PLXDC2: variants seen among roughly 807,000 people sequenced by gnomAD.
PLXDC2 encodes plexin domain containing 2, also known as plexin domain-containing protein 2.
Under a neutral mutation model 68.9 loss-of-function variants are expected in PLXDC2, and 40 were observed. The ratio of observed to expected loss-of-function variants is 0.58; its 90% CI spans 0.45 to 0.76. PLXDC2 has a LOEUF of 0.76. Ranked by LOEUF, PLXDC2 falls within the 30% of genes least tolerant of loss-of-function variation. PLXDC2 has a pLI of 0.00. For missense variants in PLXDC2, 644 were observed against 661.9 expected, an observed-to-expected ratio of 0.97 and a Z score of 0.30; for synonymous variants, 243 against 234.2, an observed-to-expected ratio of 1.04 and a Z score of -0.34.
At chr10:20,104,648 G>A (rs533845579) in intron 4 of PLXDC2, among the ~76,000 whole-genome samples, 2 of 152,172 alleles carry the variant, frequency 1.3e-5, no homozygotes, top group South Asian at 2.1e-4. Context: ...TTGTTGGCAC[G>A]TGGGTTTTCT....
intron 7 of PLXDC2, among the ~76,000 whole-genome samples, chr10:20,169,559 C>T (rs1834419050): frequency 6.6e-6 from 1 of 152,144 alleles, no homozygotes; most frequent in Non-Finnish European, 1.5e-5. Context: ...GCCATTTGCA[C>T]TAATTTGTTT....
chr10:20,203,139 A>T (rs1834942985), intron 9 of PLXDC2, among the ~76,000 whole-genome samples: 1 of 152,210 alleles, frequency 6.6e-6, no homozygotes, highest in African/African-American at 2.4e-5. Flanking sequence ...TAAAGAGGTG[A>T]CATTCACAGG....
intron 2 of PLXDC2, among the ~76,000 whole-genome samples, chr10:20,017,668 C>A (rs1400050651): frequency 6.6e-6 from 1 of 152,128 alleles, no homozygotes; most frequent in African/African-American, 2.4e-5. Context: ...TAGCACATAC[C>A]AAATTTGTTT....
intron 3 of PLXDC2, among the ~76,000 whole-genome samples, chr10:20,062,813 A>G (rs1267253233): frequency 6.6e-6 from 1 of 152,148 alleles, no homozygotes; most frequent in Admixed American, 6.6e-5. Context: ...GTGTTTATTG[A>G]ATCATTTTTA....
intron 1 of PLXDC2, among the ~76,000 whole-genome samples, chr10:19,972,716 G>A (rs922312598): frequency 2.0e-5 from 3 of 152,180 alleles, no homozygotes; most frequent in African/African-American, 7.2e-5. Context: ...GGATACAGGG[G>A]CACAGTTGAG....
intron 7 of PLXDC2, among the ~76,000 whole-genome samples, chr10:20,170,119 A>G: frequency 1.3e-5 from 2 of 152,316 alleles, no homozygotes; most frequent in East Asian, 3.9e-4. Context: ...AGGGTCTTTG[A>G]ACTCTTTGAG....
intron 3 of PLXDC2, among the ~76,000 whole-genome samples, chr10:20,058,688 A>G (rs1473702142): frequency 6.6e-6 from 1 of 152,200 alleles, no homozygotes; most frequent in Non-Finnish European, 1.5e-5. Flanking sequence ...CATTATCTGA[A>G]CGATAAACAC....
intron 4 of PLXDC2, among the ~76,000 whole-genome samples, chr10:20,087,091 G>T (rs995078534): frequency 3.9e-5 from 6 of 152,164 alleles, no homozygotes; most frequent in African/African-American, 4.8e-5. Flanking sequence ...ATTTCAAAGG[G>T]TTTGAATTTT....
intron 1 of PLXDC2, among the ~76,000 whole-genome samples, chr10:19,956,274 A>C (rs11011700): frequency 6.6e-6 from 1 of 151,954 alleles, no homozygotes. Flanking sequence ...TCTCAGGTGC[A>C]GGGGGGTGTC....
chr10:19,981,072 TTTTG>T (rs1230253116), intron 1 of PLXDC2, among the ~76,000 whole-genome samples: 1 of 152,224 alleles, frequency 6.6e-6, no homozygotes, highest in East Asian at 1.9e-4. Context: ...CTTGTGTTAT[TTTTG>T]TTTCTCAGCT....
At chr10:19,938,183 G>A (rs1314875869) in intron 1 of PLXDC2, among the ~76,000 whole-genome samples, 1 of 152,102 alleles carries the variant, frequency 6.6e-6, no homozygotes, top group African/African-American at 2.4e-5. Flanking sequence ...GCACAGTGGG[G>A]AGGCTTGAGG....
intron 13 of PLXDC2, among the ~76,000 whole-genome samples, chr10:20,277,081 C>T (rs1028630210): frequency 4.0e-5 from 6 of 151,660 alleles, no homozygotes; most frequent in African/African-American, 7.3e-5. Flanking sequence ...CTGTGGTGGG[C>T]GGCTGTAATC....
At chr10:19,865,043 G>A (rs1837388919) in intron 1 of PLXDC2, among the ~76,000 whole-genome samples, 1 of 152,198 alleles carries the variant, frequency 6.6e-6, no homozygotes, top group Non-Finnish European at 1.5e-5. Context: ...CAATGTGGCT[G>A]GAGGAGGTTA....
chr10:19,899,785 G>A (rs1222906498), intron 1 of PLXDC2, among the ~76,000 whole-genome samples: 1 of 152,048 alleles, frequency 6.6e-6, no homozygotes, highest in Non-Finnish European at 1.5e-5. Flanking sequence ...AAGTATTTTA[G>A]ATTTCTTTAA....
chr10:20,238,757 A>T (rs1434687905), intron 12 of PLXDC2, among the ~76,000 whole-genome samples: 1 of 147,986 alleles, frequency 6.8e-6, no homozygotes, highest in East Asian at 2.0e-4. Context: ...ATATATATAT[A>T]TATGATGTCT....
intron 1 of PLXDC2, 84 bp downstream of exon 1, chr10:19,817,275 C>A (rs113293155): frequency 8.2e-6 from 9 of 1,093,928 alleles, no homozygotes; most frequent in South Asian, 1.4e-5. Flanking sequence ...CCCTCTCCCC[C>A]CAACATCACC....
chr10:20,204,428 C>T (rs1026442040), intron 9 of PLXDC2, among the ~76,000 whole-genome samples: 3 of 152,066 alleles, frequency 2.0e-5, no homozygotes, highest in Admixed American at 2.0e-4. Flanking sequence ...CTTTTTAAAG[C>T]ATCTTTCCAT....
chr10:19,897,976 A>G (rs975656081), intron 1 of PLXDC2, among the ~76,000 whole-genome samples: 1 of 152,206 alleles, frequency 6.6e-6, no homozygotes, highest in Non-Finnish European at 1.5e-5. Flanking sequence ...ACTGAAAAAA[A>G]TACCTGTTTC....
At chr10:20,183,117 A>G (rs1321268957) in intron 9 of PLXDC2, among the ~76,000 whole-genome samples, 4 of 151,998 alleles carry the variant, frequency 2.6e-5, no homozygotes, top group Admixed American at 6.6e-5. Flanking sequence ...GAAAAGAAAT[A>G]AAGAGTTTGC....
Sources: gnomAD v4.1 joint callset for allele counts (sites outside exome capture counted in the v4.1 genomes callset) on GRCh38, gnomAD v4.1.1 for gene constraint, MANE v1.5 for transcripts, NCBI Gene and HGNC (gene_info 2026-07-23, HGNC 2026-07-21) for gene names.